Variants in TBX1 observed in about 807,000 individuals in gnomAD.
The protein encoded by TBX1 is T-box transcription factor TBX1.
TBX1 carries 16 observed loss-of-function variants against 40.8 expected under a neutral mutation model. The ratio of observed to expected loss-of-function variants is 0.39; its 90% confidence interval spans 0.27 to 0.60. The LOEUF is 0.60. Ranked by LOEUF, TBX1 falls within the 20% of genes least tolerant of loss-of-function variation. The probability of loss-of-function intolerance (pLI) is 0.51; values close to 1 mark genes in which losing one functional copy is unlikely to be tolerated. For missense variants in TBX1, 755 were observed against 728.5 expected (o/e 1.04, Z -0.42); for synonymous variants, 403 against 336.8 (o/e 1.20, Z -2.15).
chr22:19,783,179 C>A (rs1247101583), downstream of TBX1: 5 of 670,696 alleles, frequency 7.5e-6, no homozygotes, highest in Non-Finnish European at 1.4e-5. Context: ...CTCCTAAATT[C>A]CCGACCCACG....
upstream of TBX1, among the ~76,000 whole-genome samples, chr22:19,758,003 C>T (rs1355759927): frequency 2.0e-5 from 3 of 152,258 alleles, 1 homozygote; most frequent in African/African-American, 7.2e-5. Flanking sequence ...ACACCACATC[C>T]CAGACAGGCA....
chr22:19,766,264 G>T, intron 6 of TBX1, 125 bp from the exon 7 acceptor site: 1 of 1,176,346 alleles, frequency 8.5e-7, no homozygotes, highest in Non-Finnish European at 1.0e-6. Flanking sequence ...GGGCACGCTG[G>T]CACCGACTGG....
intron 2 of TBX1, 132 bp from the exon 3 acceptor site, chr22:19,764,023 A>G (rs895272565): frequency 1.9e-5 from 18 of 972,516 alleles, no homozygotes; most frequent in East Asian, 7.8e-5. Context: ...CTCCCAGCAC[A>G]TGCGGCAGCA....
At chr22:19,765,849 T>A (rs1019354356) in intron 5 of TBX1, 24 bp downstream of exon 5, 6 of 1,583,130 alleles carry the variant, frequency 3.8e-6, no homozygotes, top group African/African-American at 1.4e-5. Context: ...CCCGAGAGAG[T>A]GAGCGCCGGG....
At chr22:19,776,927 A>G (rs2145849632) in intron 8 of TBX1, among the ~76,000 whole-genome samples, 1 of 152,220 alleles carries the variant, frequency 6.6e-6, no homozygotes, top group Non-Finnish European at 1.5e-5. Context: ...ACAGTACAGA[A>G]CACAGATCAG....
upstream of TBX1, among the ~76,000 whole-genome samples, chr22:19,758,237 G>A (rs1936530770): frequency 6.6e-6 from 1 of 152,166 alleles, no homozygotes; most frequent in Non-Finnish European, 1.5e-5. Flanking sequence ...ATGCACAAGC[G>A]AAGGCTGCAA....
Position 19,766,919 on chromosome 22 carries a change from C to G in TBX1, c.*52C>G. 6.4e-7 allele frequency: 1 copy of G among 1,567,996 alleles called. No individual in the cohort carries two copies. The stretch of plus-strand genomic sequence containing the variant: ...GGTCCTGCACAGCCCCGAAGTTCGC[C>G]GGGCCCGGCCACCCTGCCCCAAGGG... On this transcript the variant is annotated 3_prime_UTR_variant, in exon 7 of 7. Coordinates refer to ENST00000649276, the MANE Select transcript of TBX1 (RefSeq NM_001379200.1).
chr22:19,776,455 A>G (rs41297816), intron 8 of TBX1, among the ~76,000 whole-genome samples: 42,780 of 152,066 alleles, frequency 0.28, 6,206 homozygotes, highest in South Asian at 0.43. Flanking sequence ...AGGGACAGCT[A>G]ACACCCAGGG....
intron 1 of TBX1, among the ~76,000 whole-genome samples, chr22:19,761,929 G>A (rs1197137287): frequency 1.3e-5 from 2 of 152,206 alleles, no homozygotes; most frequent in Non-Finnish European, 2.9e-5. Flanking sequence ...CAAGAGACAA[G>A]GGGAACAAGT....
rs1415301935 is a variant in TBX1, at chr22:19,766,789, C to T, written c.1437C>T (p.Ala479=). The T allele has an allele frequency of 6.0e-6, 9 of 1,502,580 alleles. No individual in the cohort carries two copies. The highest frequency in any genetic ancestry group is 7.9e-6 in the Non-Finnish European group (9 of 1,141,424). 93.1% of individuals were successfully genotyped at this position (1,502,580 alleles called of 1,614,324 possible). A position where few individuals can be genotyped will look rare whatever the true frequency, so the allele number is the denominator to read the frequency against. The stretch of plus-strand genomic sequence containing the variant: ...CCGCCGCGGCCGCCGCCGCCGCTGC[C>T]GCAGCTGCCGCGGCCGCCAACATGT... ...SPAAAAAAAA[A]AAAAAANMYS... The change falls in exon 7 of 7, where the codon GCC becomes GCT. Residue 479 remains alanine (A), a synonymous_variant. Transcript: ENST00000649276.
At chr22:19,763,026 A>T (rs1456396506) in intron 1 of TBX1, among the ~76,000 whole-genome samples, 1 of 152,184 alleles carries the variant, frequency 6.6e-6, no homozygotes, top group African/African-American at 2.4e-5. Flanking sequence ...GGAACGGCCC[A>T]GGAGGCTCCC....
chr22:19,775,247 A>C (rs914101199), intron 8 of TBX1, among the ~76,000 whole-genome samples: 1 of 151,810 alleles, frequency 6.6e-6, no homozygotes. Context: ...GCACCTGCCA[A>C]CACACCCAGC....
At chr22:19,770,672 T>C (rs1345985458), downstream of TBX1, among the ~76,000 whole-genome samples, 1 of 152,100 alleles carries the variant, frequency 6.6e-6, no homozygotes, top group African/African-American at 2.4e-5. Flanking sequence ...GGGAAGTCCA[T>C]GGGGTGTGTG....
Position 19,767,167 on chromosome 22 carries a change from ATATTTATT to A in TBX1, c.*301_*308del. 1 of 1,187,152 alleles carries A rather than the reference ATATTTATT, an allele frequency of 8.4e-7. No homozygotes were observed. Among genetic ancestry groups the A allele is most frequent in the Non-Finnish European group, 1.0e-6 (1 of 957,564 alleles). 73.5% of individuals were successfully genotyped at this position (1,187,152 alleles called of 1,614,324 possible). Reference sequence around the variant, plus strand: ...GCCCGGTCGGAGGCGGAAGGAAGTGATATTTATTGTTCTCCCCGAGACCGCGTCGCCCG... The same window carrying A: ...GCCCGGTCGGAGGCGGAAGGAAGTGAGTTCTCCCCGAGACCGCGTCGCCCG... On this transcript the variant is annotated 3_prime_UTR_variant, in exon 7 of 7. Transcript: ENST00000649276.
chr22:19,766,425 C>T lies in TBX1; in HGVS notation c.1073C>T (p.Ala358Val). Residue 358 changes from alanine to valine, a missense_variant, in exon 7 of 7, where the codon GCG (alanine) becomes GTG (valine). By Grantham distance (64) the Ala-to-Val change is moderately conservative. Around this residue, in one of 3 missense-constraint regions of TBX1, gnomAD observed 412 missense variants for 317.6 expected, o/e 1.30. Transcript: ENST00000649276. ...GCCCGGCGAGAATTCCAGCGCGACG[C>T]GGGCGGGCCAGCAGTGCTCGGGGAC... ...AEARREFQRD[A>V]GGPAVLGDPA... is the part of the protein sequence containing the mutation. 7.4e-7 allele frequency: 1 copy of T among 1,343,172 alleles called. No individual in the cohort carries two copies. 83.2% of individuals were successfully genotyped at this position (1,343,172 alleles called of 1,614,324 possible).
In TBX1 at chr22:19,761,463, G is replaced by T. The variant is rs534436911; in HGVS notation, c.437+183G>T. 1.9e-3 allele frequency among the ~76,000 whole-genome samples: 291 copies of T among 151,848 alleles called. 1 individual carries two copies. Among genetic ancestry groups the T allele is most frequent in the African/African-American group, 6.7e-3 (278 of 41,518 alleles). On this transcript the variant is annotated intron_variant, in intron 1 of 6. Coordinates refer to ENST00000649276, the MANE Select transcript of TBX1 (RefSeq NM_001379200.1). Reference sequence around the variant, plus strand: ...CGCCGTCCCGGCTCCGGCGACAGCCGCCCGGCGCTCCCCTCCTAACACCTA... The same window carrying T: ...CGCCGTCCCGGCTCCGGCGACAGCCTCCCGGCGCTCCCCTCCTAACACCTA...
In TBX1 at chr22:19,767,095, C is replaced by T. The variant is rs968396290; in HGVS notation, c.*228C>T. 5 of 1,263,050 alleles carry T rather than the reference C, an allele frequency of 4.0e-6. No individual in the cohort carries two copies. The highest frequency in any genetic ancestry group is 4.0e-6 in the Non-Finnish European group (4 of 1,006,812). The allele number at this position is 1,263,050 out of a possible 1,614,324, so 78.2% of individuals were successfully genotyped here. A position where few individuals can be genotyped will look rare whatever the true frequency, so the allele number is the denominator to read the frequency against. On this transcript the variant is annotated 3_prime_UTR_variant, in exon 7 of 7. Coordinates refer to ENST00000649276, the MANE Select transcript of TBX1 (RefSeq NM_001379200.1). The stretch of plus-strand genomic sequence containing the variant: ...GTCCCTGGAGCCACCGCGGGTCCTT[C>T]CCCGGCCCCGAGGGCCAAGGGGGTC...
chr22:19,761,551 A>G (rs1936664593), intron 1 of TBX1, among the ~76,000 whole-genome samples: 1 of 151,520 alleles, frequency 6.6e-6, no homozygotes, highest in African/African-American at 2.4e-5. Context: ...GCCCCGCGGG[A>G]CTCGCCCGCC....
At chr22:19,783,483 G>C, downstream of TBX1, 2 of 262,338 alleles carry the variant, frequency 7.6e-6, no homozygotes, top group Non-Finnish European at 1.5e-5. Context: ...CTATTAGTTG[G>C]AGGCTGCAGT....
Sources: allele counts gnomAD v4.1 joint callset (sites outside exome capture counted in the v4.1 genomes callset), GRCh38; gene constraint gnomAD v4.1.1; regional missense constraint gnomAD v4.1.1; transcripts MANE v1.5; gene names NCBI Gene and HGNC (gene_info 2026-07-23, HGNC 2026-07-21).